XYLB: variants seen among roughly 807,000 people sequenced by gnomAD.
The protein encoded by XYLB is xylulose kinase.
XYLB carries 62 observed loss-of-function variants against 78.7 expected under a neutral mutation model. The ratio of observed to expected loss-of-function variants is 0.79; its 90% CI spans 0.64 to 0.97. The LOEUF is 0.97. Ranked by LOEUF, XYLB falls within the 50% of genes least tolerant of loss-of-function variation. The pLI is 0.00. For missense variants in XYLB, 687 were observed against 676.8 expected, an observed-to-expected ratio of 1.02 and a Z score of -0.17; for synonymous variants, 245 against 247.4, an observed-to-expected ratio of 0.99 and a Z score of 0.09.
At chr3:38,372,770 G>A (rs766384038) in intron 10 of XYLB, 34 bp downstream of exon 10, 2 of 1,607,140 alleles carry the variant, frequency 1.2e-6, no homozygotes, top group South Asian at 2.2e-5. Context: ...TCTCCAGTGA[G>A]CCTGACTGGG....
the XYLB span, among the ~76,000 whole-genome samples, chr3:38,430,876 G>C: frequency 2.0e-5 from 3 of 152,074 alleles, no homozygotes; most frequent in Non-Finnish European, 2.9e-5. Flanking sequence ...GATATGTGGT[G>C]CTATTTCTGA....
In XYLB at chr3:38,370,142, C is replaced by T. The variant is rs1179943870; in HGVS notation, c.733C>T (p.Leu245Phe). The part of the protein sequence containing the change: ...GACAPHLEEK[L>F]SPPVPSCSVV... Reference sequence around the variant, plus strand: ...CTGTGCACCTCATTTAGAGGAGAAGCTTAGCCCACCAGTACCATCATGCTC... The same window carrying T: ...CTGTGCACCTCATTTAGAGGAGAAGTTTAGCCCACCAGTACCATCATGCTC... The change falls in exon 9 of 19, where the codon CTT becomes TTT. Residue 245 changes from leucine to phenylalanine, a missense_variant. Leu to Phe is a conservative substitution (Grantham distance 22). Coordinates refer to ENST00000207870, the MANE Select transcript of XYLB (RefSeq NM_005108.4). 5.0e-6 allele frequency: 8 copies of T among 1,613,968 alleles called. No individual in the cohort carries two copies. The highest frequency in any genetic ancestry group is 1.3e-5 in the African/African-American group (1 of 74,898).
chr3:38,449,359 G>A, the XYLB span, among the ~76,000 whole-genome samples: 12 of 152,284 alleles, frequency 7.9e-5, no homozygotes, highest in East Asian at 2.3e-3. Context: ...TTGACCTCGT[G>A]ATCCACCTGC....
rs565017721 is a variant in XYLB at position 38,414,389 on chromosome 3, C to G, written c.*1376C>G. The G allele has an allele frequency of 1.3e-5, 2 of 152,236 alleles. No individual in the cohort carries two copies. The highest frequency in any genetic ancestry group is 4.2e-4 in the South Asian group (2 of 4,812). 9.4% of individuals were successfully genotyped at this position (152,236 alleles called of 1,614,324 possible). On this transcript the variant is annotated 3_prime_UTR_variant, in exon 19 of 19. Transcript: ENST00000207870. ...GTTAAAGATAATGGCCCATTAGATA[C>G]AACAGCAAGCCCAAGATTCCGAAGA...
the XYLB span, among the ~76,000 whole-genome samples, chr3:38,442,967 T>C: frequency 6.6e-6 from 1 of 152,198 alleles, no homozygotes; most frequent in African/African-American, 2.4e-5. Flanking sequence ...TTGTTCCCCA[T>C]ATTCACGTAG....
At chr3:38,401,690 G>A (rs1359605383) in intron 18 of XYLB, among the ~76,000 whole-genome samples, 1 of 152,244 alleles carries the variant, frequency 6.6e-6, no homozygotes, top group Non-Finnish European at 1.5e-5. Context: ...CCCAGGATGG[G>A]GTGAGGCAGC....
chr3:38,355,900 A>G, intron 2 of XYLB: 1 of 652,446 alleles, frequency 1.5e-6, no homozygotes, highest in Non-Finnish European at 2.8e-6. Flanking sequence ...GTATCAAGCC[A>G]TAGAAATGTG....
the XYLB span, among the ~76,000 whole-genome samples, chr3:38,430,916 A>C: frequency 0.42 from 64,399 of 151,902 alleles, 15,915 homozygotes; most frequent in Non-Finnish European, 0.57. Flanking sequence ...TGATCTATAT[A>C]TCTGTTTTGG....
chr3:38,373,300 A>C (rs2070486), intron 10 of XYLB, among the ~76,000 whole-genome samples: 37,334 of 151,780 alleles, frequency 0.25, 5,227 homozygotes, highest in African/African-American at 0.4. Context: ...CTGAATAACA[A>C]CCTAACTACT....
intron 2 of XYLB, among the ~76,000 whole-genome samples, chr3:38,359,997 G>T (rs932467088): frequency 6.6e-6 from 1 of 152,198 alleles, no homozygotes; most frequent in Non-Finnish European, 1.5e-5. Context: ...CAGCATCTCT[G>T]TGTGGCTGCC....
chr3:38,441,757 C>T, the XYLB span, among the ~76,000 whole-genome samples: 1 of 152,220 alleles, frequency 6.6e-6, no homozygotes, highest in Non-Finnish European at 1.5e-5. Context: ...GCCATTGCCG[C>T]AACTACCCAT....
At chr3:38,441,219 G>T in the XYLB span, among the ~76,000 whole-genome samples, 1 of 152,170 alleles carries the variant, frequency 6.6e-6, no homozygotes. Context: ...TGCAGCATGG[G>T]CATGTAGGAT....
intron 17 of XYLB, among the ~76,000 whole-genome samples, chr3:38,398,514 C>T (rs1400544694): frequency 6.6e-6 from 1 of 151,902 alleles, no homozygotes; most frequent in Non-Finnish European, 1.5e-5. Flanking sequence ...TATTCTCTCC[C>T]CACCCCATCT....
the XYLB span, among the ~76,000 whole-genome samples, chr3:38,431,027 T>G: frequency 1.3e-5 from 2 of 152,246 alleles, no homozygotes; most frequent in Admixed American, 1.3e-4. Context: ...AGGATTGTCT[T>G]GGCAATGTGG....
chr3:38,402,473 C>G (rs1490964793), intron 18 of XYLB, among the ~76,000 whole-genome samples: 2 of 152,204 alleles, frequency 1.3e-5, no homozygotes, highest in Non-Finnish European at 2.9e-5. Flanking sequence ...TAGGTGTGCC[C>G]AAGCATCTGT....
rs181354070 is a variant in XYLB, at chr3:38,411,526, A to G, written c.1534-1410A>G. On this transcript the variant is annotated intron_variant, in intron 18 of 18. Transcript: ENST00000207870. ...GCACATGTACCCTAAAACTTAAAGT[A>G]TAAAAAAAAAAATCTGGCAAATTTT... Among the ~76,000 whole-genome samples, 453 of 152,036 alleles carry G rather than the reference A, an allele frequency of 3.0e-3. 3 individuals are homozygous for G. The highest frequency in any genetic ancestry group is 4.6e-3 in the Admixed American group (70 of 15,270).
chr3:38,382,139 T>C (rs1039367417), intron 15 of XYLB, among the ~76,000 whole-genome samples: 1 of 152,124 alleles, frequency 6.6e-6, no homozygotes, highest in African/African-American at 2.4e-5. Flanking sequence ...ACCTACGTGA[T>C]TATCGGGGCA....
chr3:38,376,833 A>AT, intron 13 of XYLB, 85 bp from the exon 14 acceptor site: 1 of 1,206,920 alleles, frequency 8.3e-7, no homozygotes, highest in Non-Finnish European at 1.2e-6. Flanking sequence ...ATATGGGGTC[A>AT]TTTTGTCCTG....
At position 38,362,991 on chromosome 3, in the gene XYLB, G is replaced by A; in HGVS notation, c.265G>A (p.Val89Ile). Residue 89 changes from valine to isoleucine, a missense_variant, in exon 4 of 19, where the codon GTC (valine) becomes ATC (isoleucine). By Grantham distance (29) the Val-to-Ile change is conservative. Transcript: ENST00000207870. Reference sequence around the variant, plus strand: ...GGCTTCGGGCTTCGACTTCTCTCAAGTCCTAGCCTTGTCCGGGGCGGGCCA... The same window carrying A: ...GGCTTCGGGCTTCGACTTCTCTCAAATCCTAGCCTTGTCCGGGGCGGGCCA... ...MKASGFDFSQVLALSGAGQQH... is the reference protein window; with the variant it reads ...MKASGFDFSQILALSGAGQQH... The A allele has an allele frequency of 6.4e-7, 1 of 1,572,844 alleles. No homozygotes were observed. The highest frequency in any genetic ancestry group is 8.6e-7 in the Non-Finnish European group (1 of 1,158,602).
Sources: gnomAD v4.1 joint callset for allele counts (sites outside exome capture counted in the v4.1 genomes callset) on GRCh38, gnomAD v4.1.1 for gene constraint, MANE v1.5 for transcripts, NCBI Gene and HGNC (gene_info 2026-07-23, HGNC 2026-07-21) for gene names.